Variants in RNF135 observed in about 807,000 individuals in gnomAD.
RNF135 encodes ring finger protein 135.
RNF135 carries 46 observed loss-of-function variants against 41.9 expected under a neutral mutation model. The ratio of observed to expected loss-of-function variants is 1.10; its 90% CI spans 0.87 to 1.40. The LOEUF is 1.40. RNF135 is among the 40% of genes most tolerant of loss of function. The pLI, the probability that RNF135 is intolerant of heterozygous loss-of-function variation, is 0.00. For synonymous variants in RNF135, 238 were observed against 223.8 expected, an observed-to-expected ratio of 1.06 and a Z score of -0.57; for missense variants, 539 against 549.8, an observed-to-expected ratio of 0.98 and a Z score of 0.20.
At chr17:30,971,815 G>A in intron 1 of RNF135, 4 of 759,026 alleles carry the variant, frequency 5.3e-6, no homozygotes, top group Non-Finnish European at 6.6e-6. Flanking sequence ...ACGGAGTCTC[G>A]CTCTGTCGCC....
intron 1 of RNF135, chr17:30,972,296 T>C (rs1333052220): frequency 1.3e-5 from 2 of 151,510 alleles, no homozygotes; most frequent in East Asian, 3.9e-4. Context: ...TTTTAAAAAA[T>C]AGGGACGGGG....
At chr17:30,963,567 C>G in the RNF135 span, among the ~76,000 whole-genome samples, 1 of 141,408 alleles carries the variant, frequency 7.1e-6, no homozygotes, top group Non-Finnish European at 1.5e-5. Context: ...GAGTGAGACT[C>G]TGTCTCAAGA....
chr17:30,986,144 A>G (rs1203009061), intron 2 of RNF135, among the ~76,000 whole-genome samples: 3 of 151,612 alleles, frequency 2.0e-5, no homozygotes, highest in Admixed American at 6.6e-5. Context: ...GCCATACTCT[A>G]TATTAATGTC....
chr17:30,959,988 CAAA>C, the RNF135 span: 6 of 73,810 alleles, frequency 8.1e-5, no homozygotes, highest in Non-Finnish European at 1.1e-4. Flanking sequence ...ACTCCGTCTC[CAAA>C]AAAAAAAAAA....
chr17:30,970,919 G>C, upstream of RNF135: 1 of 1,069,808 alleles, frequency 9.3e-7, no homozygotes, highest in Non-Finnish European at 1.3e-6. Context: ...GTTTTCAGCA[G>C]GATCGGAGGA....
Position 30,971,335 on chromosome 17 carries a change from G to A in RNF135, c.262G>A (p.Ala88Thr), listed in dbSNP as rs1380987317. 5 of 1,533,290 alleles carry A rather than the reference G, an allele frequency of 3.3e-6. No individual in the cohort carries two copies. The highest frequency in any genetic ancestry group is 4.4e-6 in the Non-Finnish European group (5 of 1,143,562). The allele number at this position is 1,533,290 out of a possible 1,614,324, so 95.0% of individuals were successfully genotyped here. A position where few individuals can be genotyped will look rare whatever the true frequency, so the allele number is the denominator to read the frequency against. ...LQDLADKYRR[A>T]AREIQAGSDP... The stretch of plus-strand genomic sequence containing the variant: ...GGACCTGGCCGACAAGTACCGCCGC[G>A]CCGCACGCGAGATACAGGCGGGCTC... The change falls in exon 1 of 5, where the codon GCC becomes ACC. Residue 88 changes from alanine (A) to threonine (T), a missense_variant. Ala to Thr is a moderately conservative substitution (Grantham distance 58). Transcript: ENST00000328381.
intron 1 of RNF135, among the ~76,000 whole-genome samples, chr17:30,983,310 CATATATGTACAT>C (rs1283869226): frequency 1.2e-3 from 56 of 46,198 alleles, no homozygotes; most frequent in African/African-American, 3.0e-3. Context: ...ATTCTAATTA[CATATATGTACAT>C]ATATATATAT....
chr17:30,959,837 G>C, the RNF135 span: 30,420 of 151,648 alleles, frequency 0.2, 9,599 homozygotes, highest in African/African-American at 0.68. Flanking sequence ...GCGACAAGAG[G>C]GAAACTCCGT....
At chr17:30,969,693 C>T (rs1427750197), upstream of RNF135, among the ~76,000 whole-genome samples, 1 of 152,050 alleles carries the variant, frequency 6.6e-6, no homozygotes, top group Non-Finnish European at 1.5e-5. Flanking sequence ...CTGCCTACTC[C>T]ATGACACTTC....
upstream of RNF135, among the ~76,000 whole-genome samples, chr17:30,966,011 C>A (rs1905536190): frequency 6.6e-6 from 1 of 152,122 alleles, no homozygotes; most frequent in South Asian, 2.1e-4. Context: ...CTACATAACT[C>A]CTGAAGGTAA....
intron 1 of RNF135, among the ~76,000 whole-genome samples, chr17:30,974,551 TTTTA>T (rs1906267002): frequency 2.6e-5 from 4 of 151,946 alleles, no homozygotes. Flanking sequence ...CAGAATGTCT[TTTTA>T]TTTATTTTTA....
chr17:30,994,710 T>C (rs897100124), intron 3 of RNF135, among the ~76,000 whole-genome samples: 1 of 151,456 alleles, frequency 6.6e-6, no homozygotes, highest in Admixed American at 6.6e-5. Context: ...CTCGGCTCAC[T>C]GCGACCTCTG....
At chr17:30,991,568 C>T (rs1907994606) in intron 3 of RNF135, among the ~76,000 whole-genome samples, 1 of 151,926 alleles carries the variant, frequency 6.6e-6, no homozygotes, top group Admixed American at 6.6e-5. Flanking sequence ...AGGCACCTGC[C>T]ACCAGGCCTC....
chr17:30,995,996 C>A (rs1262155449), intron 3 of RNF135, among the ~76,000 whole-genome samples: 1 of 151,056 alleles, frequency 6.6e-6, no homozygotes, highest in South Asian at 2.1e-4. Context: ...AGGCAGGTCT[C>A]GAACTCCTGA....
chr17:30,988,007 G>A lies in RNF135; in HGVS notation c.580G>A (p.Ala194Thr). The A allele has an allele frequency of 6.2e-7, 1 of 1,614,078 alleles. No individual in the cohort carries two copies. The highest frequency in any genetic ancestry group is 8.5e-7 in the Non-Finnish European group (1 of 1,179,946). The change falls in exon 3 of 5, where the codon GCA becomes ACA. Residue 194 changes from alanine (A) to threonine (T), a missense_variant. Physicochemically the swap from Ala to Thr is moderately conservative, Grantham distance 58 (BLOSUM62 0). Around this residue, in one of 2 missense-constraint regions of RNF135, gnomAD observed 262 missense variants for 336.9 expected, o/e 0.78. Transcript: ENST00000328381. ...AAAGCTGGTGACTTCCGACACAGCTGCAGGGAAAATCAGAGATATTCTCCA... is the reference window on the plus strand; with the variant it reads ...AAAGCTGGTGACTTCCGACACAGCTACAGGGAAAATCAGAGATATTCTCCA... Reference protein sequence around the residue: ...SPKLVTSDTAAGKIRDILHDL... With the variant: ...SPKLVTSDTATGKIRDILHDL...
intron 4 of RNF135, among the ~76,000 whole-genome samples, chr17:30,998,405 T>A (rs189855768): frequency 6.6e-6 from 1 of 152,132 alleles, no homozygotes; most frequent in South Asian, 2.1e-4. Flanking sequence ...TAAATAAATA[T>A]AATAAGTGTA....
Position 30,999,160 on chromosome 17 carries a change from A to G in RNF135, c.1268A>G (p.Asn423Ser), listed in dbSNP as rs1908575987. Residue 423 changes from asparagine to serine, a missense_variant, in exon 5 of 5, where the codon AAT becomes AGT. Physicochemically the swap from Asn to Ser is conservative, Grantham distance 46 (BLOSUM62 1). This residue lies in a region of RNF135 where 262 missense variants were observed against 336.9 expected (regional missense o/e 0.78). Coordinates refer to ENST00000328381, the MANE Select transcript of RNF135 (RefSeq NM_032322.4). ...AFWLYGLHPG[N>S]YLIIKQVKV ...TGGCTGTATGGCTTACATCCTGGAA[A>G]TTACCTGATAATAAAGCAAGTAAAG... The G allele has an allele frequency of 6.8e-6, 11 of 1,614,060 alleles. No homozygotes were observed. The highest frequency in any genetic ancestry group is 9.3e-6 in the Non-Finnish European group (11 of 1,180,014).
intron 3 of RNF135, among the ~76,000 whole-genome samples, chr17:30,988,924 CTT>C (rs572603845): frequency 0.15 from 14,599 of 99,774 alleles, 3,263 homozygotes; most frequent in African/African-American, 0.53. Flanking sequence ...TTCTTTCTTT[CTT>C]TTTTTTTTTT....
At chr17:30,975,752 G>T in intron 1 of RNF135, 1 of 1,210,422 alleles carries the variant, frequency 8.3e-7, no homozygotes, top group Non-Finnish European at 1.2e-6. Flanking sequence ...GGTGTACATG[G>T]GTCATCGGGT....
Sources: allele counts gnomAD v4.1 joint callset (sites outside exome capture counted in the v4.1 genomes callset), GRCh38; gene constraint gnomAD v4.1.1; regional missense constraint gnomAD v4.1.1; transcripts MANE v1.5; gene names NCBI Gene and HGNC (gene_info 2026-07-23, HGNC 2026-07-21).